CELA2A: variants seen among roughly 807,000 people sequenced by gnomAD.
CELA2A encodes the protein chymotrypsin-like elastase family member 2A.
CELA2A carries 31 observed loss-of-function variants against 35.3 expected under a neutral mutation model. The ratio of observed to expected loss-of-function variants is 0.88; its 90% CI spans 0.66 to 1.19. The LOEUF (loss-of-function observed/expected upper bound fraction) is 1.19. Ranked by LOEUF, CELA2A falls within the 50% of genes most tolerant of loss-of-function variation. The pLI, the probability that CELA2A is intolerant of heterozygous loss-of-function variation, is 0.00. For synonymous variants in CELA2A, 150 were observed against 149.8 expected (o/e 1.00, Z -0.01); for missense variants, 330 against 352.9 (o/e 0.94, Z 0.52).
chr1:15,457,388 G>A, intron 2 of CELA2A: 1 of 527,144 alleles, frequency 1.9e-6, no homozygotes, highest in Non-Finnish European at 3.4e-6. Flanking sequence ...GTGGTGGGCA[G>A]ATCACCTGAA....
At position 15,457,158 on chromosome 1, in the gene CELA2A, A is replaced by G. The variant is rs1448033160; in HGVS notation, c.113A>G (p.Asn38Ser). The G allele has an allele frequency of 6.2e-7, 1 of 1,614,164 alleles. No homozygotes were observed. Among genetic ancestry groups the G allele is most frequent in the Admixed American group, 1.7e-5 (1 of 60,022 alleles). ...RVVGGEEARP[N>S]SWPWQVSLQY... ...GTTGGCGGTGAAGAAGCGAGGCCCAACAGCTGGCCCTGGCAGGTGAGTTGA... is the reference window on the plus strand; with the variant it reads ...GTTGGCGGTGAAGAAGCGAGGCCCAGCAGCTGGCCCTGGCAGGTGAGTTGA... The change falls in exon 2 of 8, where the codon AAC (asparagine) becomes AGC (serine). Residue 38 changes from asparagine to serine, a missense_variant. Transcript: ENST00000359621.
At position 15,462,783 on chromosome 1, in the gene CELA2A, CG is replaced by C. The variant is rs767995731; in HGVS notation, c.280del (p.Glu94SerfsTer103). 6 of 1,613,950 alleles carry C rather than the reference CG, an allele frequency of 3.7e-6. No individual in the cohort carries two copies. The highest frequency in any genetic ancestry group is 5.1e-6 in the Non-Finnish European group (6 of 1,180,000). On this transcript the variant is annotated frameshift_variant, in exon 4 of 8. Transcript: ENST00000359621. LOFTEE classifies it high-confidence loss of function. ...CTGGGCCGGCACAACCTCTACGTTG[CG>C]GAGTCCGGCTCGCTGGCAGTCAGTG... Reference protein sequence around the residue: ...VGLGRHNLYVAESGSLAVSVS... With the variant: ...VGLGRHNLYVXESGSLAVSVS...
At position 15,456,858 on chromosome 1, in the gene CELA2A, C is replaced by T. The variant is rs534486539; in HGVS notation, c.40+65C>T. On this transcript the variant is annotated intron_variant, in intron 1 of 7. Transcript: ENST00000359621. ...TGGTGGGGCTGGAAATGGGATCTTCCTGTCCTCCCCTCTCGCCCCCACCCA... is the reference window on the plus strand; with the variant it reads ...TGGTGGGGCTGGAAATGGGATCTTCTTGTCCTCCCCTCTCGCCCCCACCCA... 11 of 1,604,008 alleles carry T rather than the reference C, an allele frequency of 6.9e-6. No individual in the cohort carries two copies. The East Asian group carries it at 2.5e-4, about 36-fold the overall frequency.
chr1:15,465,550 A>G (rs1570799819), intron 5 of CELA2A, among the ~76,000 whole-genome samples: 1 of 152,192 alleles, frequency 6.6e-6, no homozygotes, highest in East Asian at 1.9e-4. Context: ...TCAGCAAAAA[A>G]AGGGAAATTG....
Position 15,471,979 on chromosome 1 carries a change from G to C in CELA2A, c.793-11G>C. 10 of 1,614,118 alleles carry C rather than the reference G, an allele frequency of 6.2e-6. No individual in the cohort carries two copies. Among genetic ancestry groups the C allele is most frequent in the Non-Finnish European group, 8.5e-6 (10 of 1,179,998 alleles). On this transcript the variant is annotated splice_polypyrimidine_tract_variant and intron_variant, in intron 7 of 7. Coordinates refer to ENST00000359621, the MANE Select transcript of CELA2A (RefSeq NM_033440.3). Reference sequence around the variant, plus strand: ...TAGGTGAACCTGACGATTATCTTGTGTGTCCTGCAGGTGATTGCAAATAAC... The same window carrying C: ...TAGGTGAACCTGACGATTATCTTGTCTGTCCTGCAGGTGATTGCAAATAAC...
At chr1:15,463,659 C>T (rs917586333) in intron 5 of CELA2A, 137 bp downstream of exon 5, 49 of 1,356,624 alleles carry the variant, frequency 3.6e-5, no homozygotes, top group Middle Eastern at 1.9e-4. Flanking sequence ...TAGGCTGACG[C>T]CTGCCTGGGA....
At position 15,457,039 on chromosome 1, in the gene CELA2A, T is replaced by C. The variant is rs763675084; in HGVS notation, c.41-47T>C. On this transcript the variant is annotated intron_variant, in intron 1 of 7. Coordinates refer to ENST00000359621, the MANE Select transcript of CELA2A (RefSeq NM_033440.3). The stretch of plus-strand genomic sequence containing the variant: ...AATGCGCAGCAAGTGTAGTTTACAT[T>C]GTGTGGGTCGCTGCTTCCTGACTCA... 3.8e-6 allele frequency: 6 copies of C among 1,564,732 alleles called. No individual in the cohort carries two copies. In the Admixed American group the frequency reaches 1.0e-4, roughly 26 times the overall value.
At chr1:15,460,826 C>T (rs181715171) in intron 2 of CELA2A, among the ~76,000 whole-genome samples, 6 of 151,160 alleles carry the variant, frequency 4.0e-5, no homozygotes, top group Admixed American at 6.6e-5. Context: ...CATGCACCGC[C>T]GCACCCAGCG....
intron 5 of CELA2A, 151 bp from the exon 6 acceptor site, chr1:15,465,848 T>C (rs1708509103): frequency 1.1e-6 from 1 of 893,678 alleles, no homozygotes; most frequent in South Asian, 1.6e-5. Flanking sequence ...GCTGAACCAA[T>C]CAACCGTGAG....
intron 7 of CELA2A, among the ~76,000 whole-genome samples, chr1:15,468,981 C>A (rs1286782859): frequency 6.6e-6 from 1 of 152,116 alleles, no homozygotes; most frequent in Non-Finnish European, 1.5e-5. Flanking sequence ...AGTTCGAGAC[C>A]AGCCTGGTCA....
chr1:15,471,976 T>C lies in CELA2A; in HGVS notation c.793-14T>C, dbSNP rs763493837. ...GGTTAGGTGAACCTGACGATTATCT[T>C]GTGTGTCCTGCAGGTGATTGCAAAT... is the stretch of plus-strand genomic sequence containing the variant. On this transcript the variant is annotated splice_polypyrimidine_tract_variant and intron_variant, in intron 7 of 7. Transcript: ENST00000359621. 6.2e-7 allele frequency: 1 copy of C among 1,614,132 alleles called. No individual in the cohort carries two copies. The highest frequency in any genetic ancestry group is 2.2e-5 in the East Asian group (1 of 44,882).
At chr1:15,467,712 A>C (rs577661942) in intron 7 of CELA2A, among the ~76,000 whole-genome samples, 174 bp downstream of exon 7, 7 of 152,234 alleles carry the variant, frequency 4.6e-5, no homozygotes, top group Middle Eastern at 6.8e-3. Flanking sequence ...GGGTCCCCCA[A>C]ATTTCTGTGT....
At position 15,466,098 on chromosome 1, in the gene CELA2A, C is replaced by T; in HGVS notation, c.593C>T (p.Thr198Ile). 6.2e-7 allele frequency: 1 copy of T among 1,614,098 alleles called. No homozygotes were observed. Among genetic ancestry groups the T allele is most frequent in the Non-Finnish European group, 8.5e-7 (1 of 1,180,030 alleles). The change falls in exon 6 of 8, where the codon ACC (threonine) becomes ATC (isoleucine). Residue 198 changes from threonine to isoleucine, a missense_variant. Thr to Ile is a moderately conservative substitution (Grantham distance 89). Coordinates refer to ENST00000359621, the MANE Select transcript of CELA2A (RefSeq NM_033440.3). ...GCCTGGTGGGGCAGCAGCGTGAAAA[C>T]CAGTATGATCTGTGCTGGGGGTGAT... Reference protein sequence around the residue: ...SSAWWGSSVKTSMICAGGDGV... With the variant: ...SSAWWGSSVKISMICAGGDGV...
intron 2 of CELA2A, among the ~76,000 whole-genome samples, chr1:15,457,878 A>C (rs193079724): frequency 2.2e-4 from 33 of 152,342 alleles, no homozygotes; most frequent in Admixed American, 2.0e-3. Flanking sequence ...CAGGCAAATC[A>C]ATGTTACCAA....
At chr1:15,471,455 T>C (rs1334801609) in intron 7 of CELA2A, among the ~76,000 whole-genome samples, 1 of 151,956 alleles carries the variant, frequency 6.6e-6, no homozygotes, top group Non-Finnish European at 1.5e-5. Flanking sequence ...GGCTGATGCA[T>C]GAGAATCACT....
At chr1:15,468,818 C>T (rs190729238) in intron 7 of CELA2A, among the ~76,000 whole-genome samples, 11 of 151,548 alleles carry the variant, frequency 7.3e-5, no homozygotes, top group East Asian at 3.9e-4. Context: ...TAATACCTGG[C>T]ATCAATATTA....
rs371892099 is a variant in CELA2A, at chr1:15,462,866, G to A, written c.356+5G>A. ...CTCCAACCAAATCTCCAAAGGGTTC[G>A]TTTCTGTCTGGGTGCACTTGGGGGT... On this transcript the variant is annotated splice_donor_5th_base_variant and intron_variant, in intron 4 of 7. Transcript: ENST00000359621. 2.4e-5 allele frequency: 39 copies of A among 1,613,992 alleles called. No individual in the cohort carries two copies. Among genetic ancestry groups the A allele is most frequent in the African/African-American group, 4.0e-5 (3 of 74,932 alleles).
chr1:15,468,869 C>A (rs1286242443), intron 7 of CELA2A, among the ~76,000 whole-genome samples: 2 of 152,018 alleles, frequency 1.3e-5, no homozygotes, highest in Admixed American at 6.6e-5. Flanking sequence ...GTGAAAGCAG[C>A]CAGAACAGGA....
Position 15,468,849 on chromosome 1 carries a change from G to A in CELA2A, c.792+1311G>A, listed in dbSNP as rs993693314. 2.6e-4 allele frequency among the ~76,000 whole-genome samples: 40 copies of A among 151,940 alleles called. No individual in the cohort carries two copies. In the Middle Eastern group the frequency reaches 0.014, roughly 52 times the overall value. On this transcript the variant is annotated intron_variant, in intron 7 of 7. Transcript: ENST00000359621. ...TATTAAGGAGCAGCCATGGATACAC[G>A]CAGCAGTAGGTGAAAGCAGCCAGAA... is the stretch of plus-strand genomic sequence containing the variant.
Sources: gnomAD v4.1 joint callset for allele counts (sites outside exome capture counted in the v4.1 genomes callset) on GRCh38, gnomAD v4.1.1 for gene constraint, MANE v1.5 for transcripts, NCBI Gene and HGNC (gene_info 2026-07-23, HGNC 2026-07-21) for gene names.